DPP10: variants seen among roughly 807,000 people sequenced by gnomAD.
DPP10 encodes inactive dipeptidyl peptidase 10.
DPP10 carries 33 observed loss-of-function variants against 120.9 expected under a neutral mutation model. The ratio of observed to expected loss-of-function variants is 0.27; its 90% CI spans 0.21 to 0.37. The LOEUF (loss-of-function observed/expected upper bound fraction) is 0.37. DPP10 is among the 10% of genes least tolerant of loss of function. The pLI is 1.00. For missense variants in DPP10, 816 were observed against 942.8 expected, an observed-to-expected ratio of 0.87 and a Z score of 1.76; for synonymous variants, 337 against 326.1, an observed-to-expected ratio of 1.03 and a Z score of -0.36.
chr2:115,031,802 G>C (rs1011705340), intron 1 of DPP10, among the ~76,000 whole-genome samples: 1 of 151,848 alleles, frequency 6.6e-6, no homozygotes, highest in Admixed American at 6.6e-5. Context: ...TTCATCTCAG[G>C]TTTCAAACCA....
chr2:114,826,660 A>G (rs1469212003), intron 1 of DPP10, among the ~76,000 whole-genome samples: 1 of 152,102 alleles, frequency 6.6e-6, no homozygotes, highest in Non-Finnish European at 1.5e-5. Context: ...CCTCCCAGCT[A>G]GCTGGGATTA....
At chr2:115,167,212 GTCT>G (rs2052943526) in intron 1 of DPP10, among the ~76,000 whole-genome samples, 1 of 150,542 alleles carries the variant, frequency 6.6e-6, no homozygotes, top group Admixed American at 6.6e-5. Context: ...CTCATACCAA[GTCT>G]TCTTATTAAA....
At chr2:114,915,923 T>C (rs1694767187) in intron 1 of DPP10, among the ~76,000 whole-genome samples, 1 of 151,932 alleles carries the variant, frequency 6.6e-6, no homozygotes, top group Non-Finnish European at 1.5e-5. Context: ...TAACATCATA[T>C]GTAGAGGAAC....
At chr2:115,335,923 T>C (rs1247674417) in intron 2 of DPP10, among the ~76,000 whole-genome samples, 1 of 152,054 alleles carries the variant, frequency 6.6e-6, no homozygotes, top group African/African-American at 2.4e-5. Flanking sequence ...AAATAGCTTG[T>C]TCTTCTTGTG....
chr2:114,682,744 ATATCTATC>A (rs71989484), intron 1 of DPP10, among the ~76,000 whole-genome samples: 5 of 149,610 alleles, frequency 3.3e-5, no homozygotes, highest in African/African-American at 7.5e-5. Context: ...GTAAGATTTT[ATATCTATC>A]TATCTATCTA....
At chr2:115,163,984 T>A (rs1176579389) in intron 1 of DPP10, among the ~76,000 whole-genome samples, 1 of 152,204 alleles carries the variant, frequency 6.6e-6, no homozygotes, top group Non-Finnish European at 1.5e-5. Context: ...CCATTTTTCT[T>A]GTTAGTGTGC....
At chr2:114,522,727 G>A (rs1685174984) in intron 1 of DPP10, among the ~76,000 whole-genome samples, 1 of 152,138 alleles carries the variant, frequency 6.6e-6, no homozygotes, top group Admixed American at 6.5e-5. Context: ...ACAAAATAAA[G>A]AGAGGTTTAA....
At chr2:115,712,872 T>C (rs2092377135) in intron 7 of DPP10, among the ~76,000 whole-genome samples, 1 of 151,994 alleles carries the variant, frequency 6.6e-6, no homozygotes, top group African/African-American at 2.4e-5. Context: ...TCAAGTCCAT[T>C]GCAAATGTTG....
intron 25 of DPP10, 21 bp downstream of exon 25, chr2:115,840,844 A>AACG: frequency 1.9e-6 from 3 of 1,603,126 alleles, no homozygotes; most frequent in Non-Finnish European, 2.6e-6. Context: ...TTCTTAGAAG[A>AACG]ACGTGTTTTC....
At chr2:114,523,221 C>T (rs567535088) in intron 1 of DPP10, among the ~76,000 whole-genome samples, 44 of 152,330 alleles carry the variant, frequency 2.9e-4, no homozygotes, top group African/African-American at 1.0e-3. Context: ...AACCACAGTG[C>T]TAGCCCCATT....
intron 1 of DPP10, among the ~76,000 whole-genome samples, chr2:114,655,640 C>T (rs767853253): frequency 4.6e-5 from 7 of 152,066 alleles, no homozygotes; most frequent in Non-Finnish European, 7.4e-5. Context: ...CCATTTTATT[C>T]TCAAATGTAA....
At chr2:115,737,382 C>T (rs768914064) in intron 8 of DPP10, among the ~76,000 whole-genome samples, 2 of 152,162 alleles carry the variant, frequency 1.3e-5, no homozygotes, top group Non-Finnish European at 2.9e-5. Flanking sequence ...TGCATACTCA[C>T]TTGGTATCCC....
intron 3 of DPP10, among the ~76,000 whole-genome samples, chr2:115,352,505 A>G (rs1242034874): frequency 6.6e-6 from 1 of 152,214 alleles, no homozygotes; most frequent in Admixed American, 6.5e-5. Flanking sequence ...ATAGAATAAT[A>G]GATACATTGA....
At chr2:114,781,291 G>T (rs1020338202) in intron 1 of DPP10, among the ~76,000 whole-genome samples, 5 of 152,130 alleles carry the variant, frequency 3.3e-5, no homozygotes, top group African/African-American at 1.2e-4. Context: ...TAAAGAAAAA[G>T]TTGGAAAAGC....
chr2:114,447,476 T>C (rs1439426270), intron 1 of DPP10, among the ~76,000 whole-genome samples: 11 of 152,192 alleles, frequency 7.2e-5, no homozygotes, highest in Admixed American at 7.2e-4. Flanking sequence ...AATCTACCTC[T>C]GTGTGTCATT....
chr2:115,596,264 A>T (rs2082980793), intron 5 of DPP10, among the ~76,000 whole-genome samples: 1 of 152,222 alleles, frequency 6.6e-6, no homozygotes, highest in South Asian at 2.1e-4. Context: ...TCTAAATTAA[A>T]GTCTGAAGAT....
intron 3 of DPP10, among the ~76,000 whole-genome samples, chr2:115,379,939 C>G (rs1431393607): frequency 1.3e-5 from 2 of 152,036 alleles, no homozygotes; most frequent in African/African-American, 4.8e-5. Context: ...AATTTCTGTT[C>G]TTTTACATTT....
chr2:114,834,219 A>G (rs1216794037), intron 1 of DPP10, among the ~76,000 whole-genome samples: 2 of 149,286 alleles, frequency 1.3e-5, no homozygotes, highest in East Asian at 2.0e-4. Flanking sequence ...ACACCTATGT[A>G]TATATATAGG....
intron 1 of DPP10, among the ~76,000 whole-genome samples, chr2:115,244,237 TATAGAGAGAGAGAGAG>T (rs1358735850): frequency 0.01 from 682 of 67,078 alleles, 3 homozygotes; most frequent in East Asian, 0.042. Context: ...TATATATATA[TATAGAGAGAGAGAGAG>T]AGAGAGAGAG....
Sources: allele counts gnomAD v4.1 joint callset (sites outside exome capture counted in the v4.1 genomes callset), GRCh38; gene constraint gnomAD v4.1.1; transcripts MANE v1.5; gene names NCBI Gene and HGNC (gene_info 2026-07-23, HGNC 2026-07-21).